ADAMTSL3: variants seen among roughly 807,000 people sequenced by gnomAD.
ADAMTSL3 encodes ADAMTS-like protein 3.
A neutral mutation model predicts 201.7 loss-of-function variants in ADAMTSL3; 128 were observed. The observed-to-expected ratio is 0.63, with a 90% confidence interval of 0.55 to 0.73. ADAMTSL3 has a LOEUF of 0.73. ADAMTSL3 is among the 30% of genes least tolerant of loss of function. The pLI is 0.00. For synonymous variants in ADAMTSL3, 738 were observed against 748.4 expected (o/e 0.99, Z 0.23); for missense variants, 1,990 against 2,119.6 (o/e 0.94, Z 1.20).
At position 83,923,940 on chromosome 15, in the gene ADAMTSL3, A is replaced by G; in HGVS notation, c.2024A>G (p.Gln675Arg). 1 of 1,614,176 alleles carries G rather than the reference A, an allele frequency of 6.2e-7. No homozygotes were observed. Among genetic ancestry groups the G allele is most frequent in the Non-Finnish European group, 8.5e-7 (1 of 1,180,010 alleles). Residue 675 changes from glutamine to arginine, a missense_variant, in exon 17 of 30, where the codon CAG becomes CGG. Transcript: ENST00000286744. Reference protein sequence around the residue: ...QEAIAVCLHIQTQQTVNDSLC... With the variant: ...QEAIAVCLHIRTQQTVNDSLC... The stretch of plus-strand genomic sequence containing the variant: ...GCCATAGCAGTGTGCTTACATATCC[A>G]GACCCAGCAGACAGTCAATGACAGC...
chr15:83,999,872 A>G (rs1407922880), intron 23 of ADAMTSL3, among the ~76,000 whole-genome samples: 1 of 152,228 alleles, frequency 6.6e-6, no homozygotes, highest in East Asian at 1.9e-4. Flanking sequence ...GGGTTTAACA[A>G]TTACCCTTTC....
chr15:84,017,280 G>A (rs2068103986), intron 25 of ADAMTSL3, among the ~76,000 whole-genome samples: 1 of 152,068 alleles, frequency 6.6e-6, no homozygotes, highest in Admixed American at 6.6e-5. Context: ...ACCACGCCCG[G>A]CTAATTTTTT....
intron 3 of ADAMTSL3, among the ~76,000 whole-genome samples, chr15:83,770,122 G>A (rs1042689148): frequency 6.6e-6 from 1 of 151,934 alleles, no homozygotes; most frequent in South Asian, 2.1e-4. Context: ...GGTAGCAATG[G>A]TAATATTTTA....
chr15:83,899,625 GT>G, intron 14 of ADAMTSL3, 21 bp from the exon 15 acceptor site: 1 of 1,603,874 alleles, frequency 6.2e-7, no homozygotes, highest in Non-Finnish European at 8.5e-7. Flanking sequence ...TAGGCTCATT[GT>G]TTATGTTCTC....
intron 29 of ADAMTSL3, 46 bp downstream of exon 29, chr15:84,037,033 G>A: frequency 6.3e-7 from 1 of 1,575,866 alleles, no homozygotes; most frequent in Non-Finnish European, 8.7e-7. Context: ...AGGCCTTGAT[G>A]GCATCAGATC....
chr15:83,672,416 G>A (rs553078036), intron 2 of ADAMTSL3, among the ~76,000 whole-genome samples: 1 of 152,284 alleles, frequency 6.6e-6, no homozygotes, highest in Admixed American at 6.5e-5. Context: ...TAAGGTGAAG[G>A]CAGGGCCTGT....
chr15:83,997,642 G>A (rs1365524002), intron 23 of ADAMTSL3, among the ~76,000 whole-genome samples: 2 of 152,074 alleles, frequency 1.3e-5, no homozygotes, highest in Non-Finnish European at 2.9e-5. Context: ...AAATATTAAT[G>A]TCCATTAATT....
At chr15:83,893,766 G>A (rs1402989698) in intron 13 of ADAMTSL3, among the ~76,000 whole-genome samples, 2 of 152,170 alleles carry the variant, frequency 1.3e-5, no homozygotes, top group African/African-American at 2.4e-5. Flanking sequence ...AGATGACTGA[G>A]TAAGCCTCCA....
At chr15:84,031,829 T>C (rs755086353) in intron 28 of ADAMTSL3, among the ~76,000 whole-genome samples, 7 of 152,228 alleles carry the variant, frequency 4.6e-5, no homozygotes, top group African/African-American at 7.2e-5. Flanking sequence ...TAGAAAATGT[T>C]TTGATTAGGA....
intron 2 of ADAMTSL3, among the ~76,000 whole-genome samples, chr15:83,674,127 C>A (rs1380773078): frequency 6.8e-6 from 1 of 146,126 alleles, no homozygotes; most frequent in African/African-American, 2.5e-5. Flanking sequence ...ACTTATAGAT[C>A]ATGGTTTTTG....
At chr15:83,702,607 G>A (rs940166436) in intron 2 of ADAMTSL3, among the ~76,000 whole-genome samples, 2 of 151,612 alleles carry the variant, frequency 1.3e-5, no homozygotes, top group South Asian at 2.1e-4. Context: ...GGCTTCAGAG[G>A]GTGGAAGCCC....
At chr15:83,945,522 T>C (rs909496225) in intron 19 of ADAMTSL3, among the ~76,000 whole-genome samples, 8 of 152,118 alleles carry the variant, frequency 5.3e-5, no homozygotes, top group African/African-American at 1.9e-4. Context: ...GGCAAAGGTG[T>C]TAGAGAGGTG....
chr15:83,801,678 ATATATATATATATATATG>A (rs200398990), intron 4 of ADAMTSL3, among the ~76,000 whole-genome samples: 12,289 of 84,454 alleles, frequency 0.15, 1,182 homozygotes, highest in East Asian at 0.34. Flanking sequence ...ATATATATAT[ATATATATATATATATATG>A]TATGTATGAG....
chr15:83,856,272 A>G lies in ADAMTSL3; in HGVS notation c.728-2494A>G, dbSNP rs543673161. Among the ~76,000 whole-genome samples, 5 of 149,196 alleles carry G rather than the reference A, an allele frequency of 3.4e-5. No homozygotes were observed. The East Asian group carries it at 1.0e-3, about 30-fold the overall frequency. ...AGCCTCAACCTCCTGGGCTCAAGTG[A>G]TCCTCCCACCCCAGACTCCCAAGTA... On this transcript the variant is annotated intron_variant, in intron 7 of 29. Transcript: ENST00000286744.
intron 3 of ADAMTSL3, 44 bp downstream of exon 3, chr15:83,704,552 C>G (rs2141505056): frequency 1.3e-6 from 2 of 1,562,614 alleles, no homozygotes; most frequent in East Asian, 4.7e-5. Flanking sequence ...TTGCTGTTTG[C>G]CAGTGGTCAG....
intron 21 of ADAMTSL3, 76 bp from the exon 22 acceptor site, chr15:83,988,615 T>C (rs915310599): frequency 1.4e-5 from 19 of 1,326,306 alleles, no homozygotes; most frequent in Non-Finnish European, 1.7e-5. Flanking sequence ...TGCAGTCTTC[T>C]TTCTCTGCAA....
chr15:83,914,844 T>G (rs1187075903), intron 16 of ADAMTSL3, among the ~76,000 whole-genome samples: 7 of 97,946 alleles, frequency 7.1e-5, no homozygotes, highest in Admixed American at 3.6e-4. Flanking sequence ...TTTTTGTTTG[T>G]TTGGTTTTGT....
intron 26 of ADAMTSL3, 145 bp from the exon 27 acceptor site, chr15:84,025,093 A>G: frequency 3.3e-6 from 2 of 615,288 alleles, no homozygotes; most frequent in South Asian, 4.6e-5. Flanking sequence ...GCTGGGAGTC[A>G]TCTGTGCTGC....
intron 8 of ADAMTSL3, among the ~76,000 whole-genome samples, chr15:83,863,375 C>G (rs1489452489): frequency 6.6e-6 from 1 of 152,174 alleles, no homozygotes; most frequent in Non-Finnish European, 1.5e-5. Context: ...GTGAAGCACT[C>G]CTCAGCAAAT....
Sources: gnomAD v4.1 joint callset for allele counts (sites outside exome capture counted in the v4.1 genomes callset) on GRCh38, gnomAD v4.1.1 for gene constraint, MANE v1.5 for transcripts, NCBI Gene and HGNC (gene_info 2026-07-23, HGNC 2026-07-21) for gene names.